Variants in LRIG1 observed in about 807,000 individuals in gnomAD.
LRIG1 encodes the protein leucine rich repeats and immunoglobulin like domains 1.
In LRIG1, 48 loss-of-function variants were observed where a neutral mutation model predicts 99.2. The observed-to-expected ratio is 0.48, with a 90% CI of 0.38 to 0.62. The LOEUF is 0.62. Ranked by LOEUF, LRIG1 falls within the 20% of genes least tolerant of loss-of-function variation. The pLI is 0.00. For synonymous variants in LRIG1, 772 were observed against 596.1 expected, an observed-to-expected ratio of 1.29 and a Z score of -4.30; for missense variants, 1,646 against 1,434.4, an observed-to-expected ratio of 1.15 and a Z score of -2.38.
chr3:66,380,549 C>A, intron 18 of LRIG1, 28 bp downstream of exon 18: 1 of 1,613,394 alleles, frequency 6.2e-7, no homozygotes, highest in Non-Finnish European at 8.5e-7. Flanking sequence ...GCTCCCAACC[C>A]ACCTGTTAGA....
chr3:66,392,628 G>C (rs1235657646), intron 12 of LRIG1, among the ~76,000 whole-genome samples: 1 of 150,492 alleles, frequency 6.6e-6, no homozygotes, highest in Non-Finnish European at 1.5e-5. Context: ...GCTAAAATGT[G>C]GGGGTGGGGA....
At chr3:66,418,248 C>T (rs775564569) in intron 3 of LRIG1, among the ~76,000 whole-genome samples, 3 of 152,158 alleles carry the variant, frequency 2.0e-5, no homozygotes, top group Non-Finnish European at 2.9e-5. Flanking sequence ...CGTGCCACCA[C>T]ACCCAGCTAA....
rs530299968 is a variant in LRIG1, at chr3:66,430,415, C to T, written c.366-13149G>A. On this transcript the variant is annotated intron_variant, in intron 3 of 18. Transcript: ENST00000273261. ...CAATTGAACCCCAAACACTGGCCCTCACTGGCTTGCAATGTTGAGACAATT... is the reference window on the plus strand; with the variant it reads ...CAATTGAACCCCAAACACTGGCCCTTACTGGCTTGCAATGTTGAGACAATT... Among the ~76,000 whole-genome samples the T allele has an allele frequency of 2.0e-5, 3 of 152,314 alleles. No individual in the cohort carries two copies. The South Asian group carries it at 6.2e-4, about 32-fold the overall frequency.
chr3:66,481,129 C>G (rs1048268047), intron 1 of LRIG1, among the ~76,000 whole-genome samples: 3 of 152,192 alleles, frequency 2.0e-5, no homozygotes, highest in African/African-American at 2.4e-5. Context: ...TGAGGTCCCT[C>G]TATATTTCAG....
At chr3:66,470,511 G>T (rs1700572062) in intron 1 of LRIG1, among the ~76,000 whole-genome samples, 1 of 152,062 alleles carries the variant, frequency 6.6e-6, no homozygotes, top group Non-Finnish European at 1.5e-5. Context: ...GAAAGGAAAG[G>T]GCAAGACACA....
chr3:66,478,214 G>A (rs908891514), intron 1 of LRIG1, among the ~76,000 whole-genome samples: 5 of 152,214 alleles, frequency 3.3e-5, no homozygotes, highest in African/African-American at 7.2e-5. Context: ...TTGGTTCTAC[G>A]TTTTTGCTTT....
intron 6 of LRIG1, among the ~76,000 whole-genome samples, chr3:66,411,167 G>A (rs1160598465): frequency 6.6e-6 from 1 of 152,200 alleles, no homozygotes; most frequent in South Asian, 2.1e-4. Context: ...TCCCAACACA[G>A]CATGTGCCAG....
In LRIG1 at chr3:66,470,690, C is replaced by T. The variant is rs571582877; in HGVS notation, c.219-8181G>A. Among the ~76,000 whole-genome samples, 48 of 152,236 alleles carry T rather than the reference C, an allele frequency of 3.2e-4. 2 individuals carry two copies. Among genetic ancestry groups the T allele is most frequent in the African/African-American group, 1.1e-3 (45 of 41,550 alleles). ...GTTGATTTCCATAAGAACAGAGTAT[C>T]GCCTTGTTCATTTACTTAAAAGTTC... On this transcript the variant is annotated intron_variant, in intron 1 of 18. Coordinates refer to ENST00000273261, the MANE Select transcript of LRIG1 (RefSeq NM_015541.3).
intron 2 of LRIG1, among the ~76,000 whole-genome samples, chr3:66,451,929 C>G (rs1042377051): frequency 2.0e-5 from 3 of 152,196 alleles, no homozygotes; most frequent in African/African-American, 7.2e-5. Context: ...ACAGTGAGAA[C>G]AAGCCAAGAG....
chr3:66,382,329 T>C lies in LRIG1; in HGVS notation c.2561A>G (p.Glu854Gly). 6.2e-7 allele frequency: 1 copy of C among 1,614,196 alleles called. No homozygotes were observed. Among genetic ancestry groups the C allele is most frequent in the Non-Finnish European group, 8.5e-7 (1 of 1,180,016 alleles). Residue 854 changes from glutamate to glycine, a missense_variant, in exon 16 of 19, where the codon GAA (glutamate) becomes GGA (glycine). Transcript: ENST00000273261. ...SSQGTLSDRQ[E>G]TVVRTEGGPQ... ...GCCACCCTCGGTCCTGACCACGGTT[T>C]CTTGTCGGTCAGAAAGGGTCCCCTG...
chr3:66,415,779 T>C (rs1702599927), intron 4 of LRIG1, among the ~76,000 whole-genome samples: 1 of 152,198 alleles, frequency 6.6e-6, no homozygotes, highest in Non-Finnish European at 1.5e-5. Context: ...ATGCAAATTA[T>C]ATCAAGTAAT....
Position 66,486,273 on chromosome 3 carries a change from G to A in LRIG1, c.218+13917C>T, listed in dbSNP as rs141075068. Among the ~76,000 whole-genome samples the A allele has an allele frequency of 4.6e-5, 7 of 152,152 alleles. No homozygotes were observed. In the East Asian group the frequency reaches 1.4e-3, roughly 29 times the overall value. ...TCCTTATAACAAGCTTAAGGAAGTC[G>A]GCACTACAATTATCCCCATTTTACA... On this transcript the variant is annotated intron_variant, in intron 1 of 18. Coordinates refer to ENST00000273261, the MANE Select transcript of LRIG1 (RefSeq NM_015541.3).
chr3:66,418,373 G>A (rs575775624), intron 3 of LRIG1, among the ~76,000 whole-genome samples: 19 of 152,294 alleles, frequency 1.2e-4, no homozygotes, highest in Non-Finnish European at 1.8e-4. Flanking sequence ...GATTACAGGC[G>A]TGAGCCACCA....
intron 8 of LRIG1, 82 bp downstream of exon 8, chr3:66,407,266 G>A: frequency 2.0e-6 from 3 of 1,468,860 alleles, no homozygotes; most frequent in Non-Finnish European, 2.8e-6. Flanking sequence ...AACGCAAATG[G>A]AGTTCAACAA....
rs1274230142 is a variant in LRIG1, at chr3:66,380,280, A to G, written c.3265T>C (p.Leu1089=). The G allele has an allele frequency of 6.2e-7, 1 of 1,612,438 alleles. No individual in the cohort carries two copies. Among genetic ancestry groups the G allele is most frequent in the South Asian group, 1.1e-5 (1 of 91,004 alleles). The change falls in exon 19 of 19, where the codon TTG becomes CTG. Residue 1089 remains leucine, a synonymous_variant. Coordinates refer to ENST00000273261, the MANE Select transcript of LRIG1 (RefSeq NM_015541.3). The part of the protein sequence containing the change: ...LPGKQRVPLL[L]APKS Reference sequence around the variant, plus strand: ...GACAAAACCTAGCTTTTTGGTGCCAACAGCAGTGGCACCCTCTGTTTCCCG... The same window carrying G: ...GACAAAACCTAGCTTTTTGGTGCCAGCAGCAGTGGCACCCTCTGTTTCCCG...
intron 1 of LRIG1, among the ~76,000 whole-genome samples, chr3:66,468,201 T>A (rs981707772): frequency 2.6e-5 from 4 of 152,162 alleles, no homozygotes; most frequent in Admixed American, 1.3e-4. Context: ...AGTTGAGGGA[T>A]AAAAAGTTGT....
chr3:66,452,689 C>T (rs559654201), intron 2 of LRIG1, among the ~76,000 whole-genome samples: 2 of 152,048 alleles, frequency 1.3e-5, no homozygotes, highest in South Asian at 4.2e-4. Context: ...ATACAGCTAG[C>T]ATGTGCTTGA....
rs1345418058 is a variant in LRIG1 at position 66,380,076 on chromosome 3, C to G, written c.*187G>C. On this transcript the variant is annotated 3_prime_UTR_variant, in exon 19 of 19. Coordinates refer to ENST00000273261, the MANE Select transcript of LRIG1 (RefSeq NM_015541.3). ...CAATGATATCAAATACTTTTTTTGC[C>G]TTTTGTACACAAATCCCCTCTTGCG... 2 of 522,206 alleles carry G rather than the reference C, an allele frequency of 3.8e-6. No individual in the cohort carries two copies. Among genetic ancestry groups the G allele is most frequent in the East Asian group, 3.0e-5 (1 of 33,854 alleles). 32.3% of individuals were successfully genotyped at this position (522,206 alleles called of 1,614,324 possible).
rs1052667394 is a variant in LRIG1, at chr3:66,396,400, C to T, written c.1304+1712G>A. On this transcript the variant is annotated intron_variant, in intron 11 of 18. Coordinates refer to ENST00000273261, the MANE Select transcript of LRIG1 (RefSeq NM_015541.3). Reference sequence around the variant, plus strand: ...GCTCACATGGTGCATTTTCACGATTCCAACTCAAAGTGTGTTTCTAATCAT... The same window carrying T: ...GCTCACATGGTGCATTTTCACGATTTCAACTCAAAGTGTGTTTCTAATCAT... 4.6e-5 allele frequency among the ~76,000 whole-genome samples: 7 copies of T among 152,312 alleles called. No homozygotes were observed. The East Asian group carries it at 1.4e-3, about 29-fold the overall frequency.
Sources: allele counts gnomAD v4.1 joint callset (sites outside exome capture counted in the v4.1 genomes callset), GRCh38; gene constraint gnomAD v4.1.1; transcripts MANE v1.5; gene names NCBI Gene and HGNC (gene_info 2026-07-23, HGNC 2026-07-21).